The following FOCAD variants were observed in gnomAD, a reference collection of about 807,000 sequenced individuals.
FOCAD encodes the protein KIAA1797.
FOCAD carries 198 observed loss-of-function variants against 225.6 expected under a neutral mutation model. The ratio of observed to expected loss-of-function variants is 0.88; its 90% CI spans 0.78 to 0.99. FOCAD has a LOEUF of 0.99. Among genes scored for constraint, FOCAD ranks in the 50% least tolerant of loss-of-function variants. The probability of loss-of-function intolerance (pLI) is 0.00; values close to 1 mark genes in which losing one functional copy is unlikely to be tolerated. For missense variants in FOCAD, 2,713 were observed against 2,123.6 expected, an observed-to-expected ratio of 1.28 and a Z score of -5.46; for synonymous variants, 897 against 755.0, an observed-to-expected ratio of 1.19 and a Z score of -3.08.
intron 5 of FOCAD, among the ~76,000 whole-genome samples, chr9:20,757,261 A>G (rs1829140690): frequency 6.6e-6 from 1 of 152,250 alleles, no homozygotes; most frequent in African/African-American, 2.4e-5. Context: ...CTTGGAGGAA[A>G]AAGCCACATA....
chr9:20,963,901 C>T (rs1351429416), intron 35 of FOCAD, among the ~76,000 whole-genome samples: 1 of 152,148 alleles, frequency 6.6e-6, no homozygotes, highest in Non-Finnish European at 1.5e-5. Context: ...TTTCTTCTCA[C>T]GTTAGAATAT....
chr9:20,854,671 C>T (rs1827990852), intron 15 of FOCAD, among the ~76,000 whole-genome samples: 2 of 151,720 alleles, frequency 1.3e-5, no homozygotes, highest in Non-Finnish European at 3.0e-5. Flanking sequence ...CATTCTCCCC[C>T]AGCAACAAAG....
At chr9:20,804,853 A>AC (rs1457452758) in intron 11 of FOCAD, among the ~76,000 whole-genome samples, 2 of 151,934 alleles carry the variant, frequency 1.3e-5, no homozygotes, top group African/African-American at 4.8e-5. Context: ...AGGAAAAAAA[A>AC]ATCAGTGGCG....
At chr9:20,847,211 C>T (rs1195491518) in intron 15 of FOCAD, among the ~76,000 whole-genome samples, 1 of 152,080 alleles carries the variant, frequency 6.6e-6, no homozygotes, top group African/African-American at 2.4e-5. Context: ...TCCTTAGCTA[C>T]TGCCTTCCCA....
chr9:20,720,533 A>G lies in FOCAD; in HGVS notation c.286A>G (p.Arg96Gly), dbSNP rs950514356. The G allele has an allele frequency of 7.4e-6, 12 of 1,613,432 alleles. No homozygotes were observed. The highest frequency in any genetic ancestry group is 1.3e-5 in the African/African-American group (1 of 74,920). ...GATACTCAACTTGATTCCATCAACCAGGTACTTTTTCCTCAGTGTTTGGTC... is the reference window on the plus strand; with the variant it reads ...GATACTCAACTTGATTCCATCAACCGGGTACTTTTTCCTCAGTGTTTGGTC... ...NGILNLIPST[R>G]NTHGLIKAIM... is the part of the protein sequence containing the mutation. The change falls in exon 4 of 44, where the codon AGA (arginine) becomes GGA (glycine). Residue 96 changes from arginine (R) to glycine (G), a missense_variant and splice_region_variant. Coordinates refer to ENST00000338382, the MANE Select transcript of FOCAD (RefSeq NM_001375567.1).
intron 20 of FOCAD, among the ~76,000 whole-genome samples, chr9:20,883,467 A>T (rs753832866): frequency 4.6e-5 from 7 of 152,234 alleles, no homozygotes; most frequent in Non-Finnish European, 7.3e-5. Flanking sequence ...TTTTAACTGT[A>T]CATGGAAAAT....
chr9:20,876,678 G>A (rs1233123345), intron 19 of FOCAD, among the ~76,000 whole-genome samples: 2 of 152,050 alleles, frequency 1.3e-5, no homozygotes, highest in Non-Finnish European at 2.9e-5. Context: ...ACATTTTTTC[G>A]TTGATTATTA....
intron 21 of FOCAD, among the ~76,000 whole-genome samples, chr9:20,893,698 A>G (rs1326782411): frequency 1.3e-5 from 2 of 152,178 alleles, no homozygotes; most frequent in South Asian, 2.1e-4. Flanking sequence ...ATTTGTAAAA[A>G]CAGACTTTAT....
intron 15 of FOCAD, among the ~76,000 whole-genome samples, chr9:20,846,635 A>G (rs895393519): frequency 6.6e-6 from 1 of 152,116 alleles, no homozygotes; most frequent in Non-Finnish European, 1.5e-5. Context: ...CTATGTAGCA[A>G]GGCTTGTTAA....
At chr9:20,765,639 T>C (rs1829991650) in intron 7 of FOCAD, among the ~76,000 whole-genome samples, 1 of 152,124 alleles carries the variant, frequency 6.6e-6, no homozygotes, top group East Asian at 1.9e-4. Flanking sequence ...CAATTCAAAG[T>C]AGAAAGATGA....
intron 14 of FOCAD, among the ~76,000 whole-genome samples, chr9:20,821,856 C>G (rs1377966766): frequency 6.6e-6 from 1 of 151,518 alleles, no homozygotes; most frequent in Non-Finnish European, 1.5e-5. Context: ...GTGGGTTGGC[C>G]CAGATGCTGA....
intron 28 of FOCAD, among the ~76,000 whole-genome samples, chr9:20,941,336 G>T (rs1836641682): frequency 1.3e-5 from 2 of 152,182 alleles, no homozygotes; most frequent in African/African-American, 4.8e-5. Flanking sequence ...AGTCATCAAT[G>T]ACCCAAGCTT....
At chr9:20,690,246 G>A (rs963704388) in intron 1 of FOCAD, among the ~76,000 whole-genome samples, 3 of 152,116 alleles carry the variant, frequency 2.0e-5, no homozygotes, top group Non-Finnish European at 4.4e-5. Flanking sequence ...TTTACCTTCC[G>A]AAGGATTTGG....
chr9:20,925,403 C>A (rs1033645866), intron 25 of FOCAD, among the ~76,000 whole-genome samples: 2 of 152,176 alleles, frequency 1.3e-5, no homozygotes, highest in African/African-American at 4.8e-5. Flanking sequence ...ACTTTCTCCT[C>A]CACCCCAACA....
At chr9:20,977,647 T>C (rs1840334706) in intron 36 of FOCAD, among the ~76,000 whole-genome samples, 1 of 152,214 alleles carries the variant, frequency 6.6e-6, no homozygotes, top group Non-Finnish European at 1.5e-5. Flanking sequence ...ACATATGATA[T>C]ATAAAACAAC....
At chr9:20,963,113 C>T (rs150064465) in intron 35 of FOCAD, among the ~76,000 whole-genome samples, 1 of 152,236 alleles carries the variant, frequency 6.6e-6, no homozygotes, top group African/African-American at 2.4e-5. Context: ...TGAATCAGTT[C>T]CCTACAAATA....
intron 29 of FOCAD, among the ~76,000 whole-genome samples, chr9:20,946,363 T>A (rs1416692542): frequency 6.6e-6 from 1 of 152,190 alleles, no homozygotes; most frequent in Non-Finnish European, 1.5e-5. Flanking sequence ...TTCCTTCTGC[T>A]GTTGATAGGT....
intron 11 of FOCAD, among the ~76,000 whole-genome samples, chr9:20,795,616 C>T (rs1052692233): frequency 6.6e-6 from 1 of 151,802 alleles, no homozygotes; most frequent in African/African-American, 2.4e-5. Flanking sequence ...AACCCCGTCT[C>T]TACTAAAAAT....
intron 28 of FOCAD, among the ~76,000 whole-genome samples, chr9:20,938,347 T>C (rs1331116117): frequency 6.6e-6 from 1 of 152,050 alleles, no homozygotes; most frequent in Non-Finnish European, 1.5e-5. Flanking sequence ...CCAACAATGA[T>C]AGACTGGATT....
Sources: gnomAD v4.1 joint callset for allele counts (sites outside exome capture counted in the v4.1 genomes callset) on GRCh38, gnomAD v4.1.1 for gene constraint, MANE v1.5 for transcripts, NCBI Gene and HGNC (gene_info 2026-07-23, HGNC 2026-07-21) for gene names.